BTBD1: variants seen among roughly 807,000 people sequenced by gnomAD.
The protein encoded by BTBD1 is BTB/POZ domain-containing protein 1.
BTBD1 carries 34 observed loss-of-function variants against 48.0 expected under a neutral mutation model. That is an observed-to-expected ratio of 0.71 (90% CI 0.54 to 0.94). The LOEUF is 0.94. Ranked by LOEUF, BTBD1 falls within the 40% of genes least tolerant of loss-of-function variation. The pLI is 0.00. For synonymous variants in BTBD1, 261 were observed against 242.1 expected, an observed-to-expected ratio of 1.08 and a Z score of -0.72; for missense variants, 543 against 625.6, an observed-to-expected ratio of 0.87 and a Z score of 1.41.
chr15:83,061,108 C>T (rs533849296), intron 1 of BTBD1, among the ~76,000 whole-genome samples: 1 of 152,328 alleles, frequency 6.6e-6, no homozygotes, highest in South Asian at 2.1e-4. Flanking sequence ...ACTGCACTCA[C>T]ATAAATCTCA....
At chr15:83,057,124 A>G (rs1408507989) in intron 1 of BTBD1, among the ~76,000 whole-genome samples, 1 of 152,210 alleles carries the variant, frequency 6.6e-6, no homozygotes, top group African/African-American at 2.4e-5. Flanking sequence ...GACAAATGCC[A>G]ATTCATTTAA....
chr15:83,059,523 C>T (rs1457575169), intron 1 of BTBD1, among the ~76,000 whole-genome samples: 5 of 152,158 alleles, frequency 3.3e-5, no homozygotes, highest in South Asian at 4.1e-4. Flanking sequence ...CCAGCCTGGG[C>T]GACAGAGCAA....
At chr15:83,053,096 G>C (rs1364992287) in intron 2 of BTBD1, among the ~76,000 whole-genome samples, 1 of 151,962 alleles carries the variant, frequency 6.6e-6, no homozygotes, top group Non-Finnish European at 1.5e-5. Context: ...ATTTCCTATG[G>C]AATCTACTGC....
chr15:83,040,282 G>A (rs984236797), intron 4 of BTBD1, among the ~76,000 whole-genome samples: 3 of 152,026 alleles, frequency 2.0e-5, no homozygotes, highest in African/African-American at 7.2e-5. Flanking sequence ...ACTAACTACT[G>A]GACACTATGC....
At chr15:83,037,628 A>C (rs1190971177) in intron 4 of BTBD1, among the ~76,000 whole-genome samples, 2 of 152,210 alleles carry the variant, frequency 1.3e-5, no homozygotes, top group Admixed American at 6.5e-5. Context: ...AAATTAGAAA[A>C]AGACAAGGAT....
At chr15:83,054,945 G>C (rs891420662) in intron 2 of BTBD1, among the ~76,000 whole-genome samples, 1 of 152,086 alleles carries the variant, frequency 6.6e-6, no homozygotes, top group Non-Finnish European at 1.5e-5. Flanking sequence ...GCCTATGAGG[G>C]TTTGGAAAGG....
rs368650754 is a variant in BTBD1 at position 83,041,838 on chromosome 15, T to G, written c.752A>C (p.Glu251Ala). 9 of 1,614,142 alleles carry G rather than the reference T, an allele frequency of 5.6e-6. No homozygotes were observed. The African/African-American group carries it at 1.2e-4, about 22-fold the overall frequency. Residue 251 changes from glutamate to alanine, a missense_variant, in exon 4 of 8, where the codon GAA (glutamate) becomes GCA (alanine). Around this residue, in one of 3 missense-constraint regions of BTBD1, gnomAD observed 300 missense variants for 350.0 expected, o/e 0.86. Coordinates refer to ENST00000261721, the MANE Select transcript of BTBD1 (RefSeq NM_025238.4). ...CACAGGTAATTGTTGTCTCTGACAT[T>G]CTGCTTCTGCCCAGCGTACAACAGC... is the stretch of plus-strand genomic sequence containing the variant. ...FGAVVRWAEA[E>A]CQRQQLPVTF...
At chr15:83,050,586 C>CATCTA (rs2032963559) in intron 2 of BTBD1, among the ~76,000 whole-genome samples, 1 of 152,062 alleles carries the variant, frequency 6.6e-6, no homozygotes, top group African/African-American at 2.4e-5. Flanking sequence ...TGCCTAAGAT[C>CATCTA]ATCTAGTTAA....
At chr15:83,034,519 C>A (rs1410418127) in intron 4 of BTBD1, among the ~76,000 whole-genome samples, 1 of 152,118 alleles carries the variant, frequency 6.6e-6, no homozygotes, top group East Asian at 1.9e-4. Flanking sequence ...GAGGCTGAGG[C>A]ATGAGAATTG....
chr15:83,033,401 C>A (rs1264938823), intron 4 of BTBD1, among the ~76,000 whole-genome samples: 1 of 151,854 alleles, frequency 6.6e-6, no homozygotes, highest in Non-Finnish European at 1.5e-5. Context: ...ACTGAAAGGG[C>A]AAATATATAG....
chr15:83,026,060 C>A (rs764427175), intron 5 of BTBD1, among the ~76,000 whole-genome samples: 6 of 152,134 alleles, frequency 3.9e-5, no homozygotes, highest in African/African-American at 1.2e-4. Flanking sequence ...TGAGCCACCA[C>A]GCCTGGCCCA....
At chr15:83,062,748 C>T (rs1043746651) in intron 1 of BTBD1, among the ~76,000 whole-genome samples, 1 of 152,062 alleles carries the variant, frequency 6.6e-6, no homozygotes, top group African/African-American at 2.4e-5. Flanking sequence ...GGAATGAGTG[C>T]GTAAAGCTCT....
chr15:83,028,671 TG>T (rs2151301915), intron 5 of BTBD1: 1 of 152,312 alleles, frequency 6.6e-6, no homozygotes, highest in East Asian at 1.9e-4. Flanking sequence ...ATTCCTTCCA[TG>T]GTAATTGGTC....
intron 5 of BTBD1, among the ~76,000 whole-genome samples, chr15:83,025,837 T>C (rs1040451985): frequency 2.0e-5 from 3 of 152,182 alleles, no homozygotes; most frequent in African/African-American, 7.2e-5. Context: ...TGGCGTGGTC[T>C]TGGCTCACTG....
At chr15:83,035,075 C>T (rs550728437) in intron 4 of BTBD1, among the ~76,000 whole-genome samples, 1 of 152,094 alleles carries the variant, frequency 6.6e-6, no homozygotes, top group African/African-American at 2.4e-5. Flanking sequence ...GGGTGGATCA[C>T]CTGAGGTCAG....
rs577771612 is a variant in BTBD1 at position 83,053,724 on chromosome 15, T to C, written c.558+2665A>G. Among the ~76,000 whole-genome samples, 12 of 152,368 alleles carry C rather than the reference T, an allele frequency of 7.9e-5. No homozygotes were observed. The East Asian group carries it at 1.5e-3, about 20-fold the overall frequency. ...GAAAAAATACGGAGATATCACTTAT[T>C]AGTTATATGACTTTGGTCAAGTTAC... is the stretch of plus-strand genomic sequence containing the variant. On this transcript the variant is annotated intron_variant, in intron 2 of 7. Transcript: ENST00000261721.
chr15:83,049,195 T>A (rs1185448787), intron 3 of BTBD1, among the ~76,000 whole-genome samples: 1 of 152,092 alleles, frequency 6.6e-6, no homozygotes, highest in Non-Finnish European at 1.5e-5. Flanking sequence ...CAGTACATCA[T>A]TTCATCACAG....
intron 1 of BTBD1, among the ~76,000 whole-genome samples, chr15:83,065,244 C>A (rs1407536756): frequency 6.6e-6 from 1 of 152,206 alleles, no homozygotes; most frequent in Non-Finnish European, 1.5e-5. Flanking sequence ...AACTGTTTTC[C>A]AAAAGGGTTT....
In BTBD1 at chr15:83,018,150, A is replaced by G; in HGVS notation, c.1366T>C (p.Phe456Leu). 6.2e-7 allele frequency: 1 copy of G among 1,613,018 alleles called. No individual in the cohort carries two copies. Among genetic ancestry groups the G allele is most frequent in the African/African-American group, 1.3e-5 (1 of 75,020 alleles). Residue 456 changes from phenylalanine (F) to leucine (L), a missense_variant, in exon 8 of 8, where the codon TTT becomes CTT. Phe to Leu is a conservative substitution (Grantham distance 22). Coordinates refer to ENST00000261721, the MANE Select transcript of BTBD1 (RefSeq NM_025238.4). ...TTGCCAGGGGAACTAAAAAAGAAAA[A>G]AACAGTCTTGCTTGCAGCAGGTGTC... ...HETPAASKTV[F>L]FFFSSPGNNN...
Sources: allele counts gnomAD v4.1 joint callset (sites outside exome capture counted in the v4.1 genomes callset), GRCh38; gene constraint gnomAD v4.1.1; regional missense constraint gnomAD v4.1.1; transcripts MANE v1.5; gene names NCBI Gene and HGNC (gene_info 2026-07-23, HGNC 2026-07-21).